The following CTNND2 variants were observed in gnomAD, a reference collection of about 807,000 sequenced individuals.
The protein encoded by CTNND2 is catenin delta-2.
A neutral mutation model predicts 144.4 loss-of-function variants in CTNND2; 22 were observed. The ratio of observed to expected loss-of-function variants is 0.15; its 90% confidence interval spans 0.11 to 0.22. The LOEUF (loss-of-function observed/expected upper bound fraction) is 0.22, where lower values mean the gene tolerates loss of function less well. Ranked by LOEUF, CTNND2 falls within the 10% of genes least tolerant of loss-of-function variation. CTNND2 has a pLI of 1.00. For synonymous variants in CTNND2, 751 were observed against 695.6 expected (o/e 1.08, Z -1.25); for missense variants, 1,353 against 1,618.8 (o/e 0.84, Z 2.82).
chr5:10,992,823 G>A (rs1034167661), intron 18 of CTNND2, 146 bp from the exon 19 acceptor site: 4 of 1,082,778 alleles, frequency 3.7e-6, no homozygotes, highest in Non-Finnish European at 5.3e-6. Flanking sequence ...CTCTCATGGA[G>A]GTGAACAGAG....
At chr5:11,858,562 A>C (rs746692731) in intron 1 of CTNND2, among the ~76,000 whole-genome samples, 1 of 152,238 alleles carries the variant, frequency 6.6e-6, no homozygotes, top group African/African-American at 2.4e-5. Flanking sequence ...TCATGGATGC[A>C]TATTCTTAGC....
chr5:11,478,938 C>T (rs1334761324), intron 3 of CTNND2, among the ~76,000 whole-genome samples: 1 of 152,140 alleles, frequency 6.6e-6, no homozygotes, highest in Non-Finnish European at 1.5e-5. Context: ...ACAATAGCAA[C>T]ATTTAGAAAC....
chr5:11,588,589 G>A (rs12153083), intron 2 of CTNND2: 61,354 of 202,862 alleles, frequency 0.3, 10,918 homozygotes, highest in Middle Eastern at 0.47. Context: ...ATAACTGTGA[G>A]GTCAGAAATA....
intron 1 of CTNND2, among the ~76,000 whole-genome samples, chr5:11,888,628 A>G (rs1736732221): frequency 1.3e-5 from 2 of 152,158 alleles, no homozygotes; most frequent in African/African-American, 2.4e-5. Context: ...TAATTAGAAT[A>G]GTTATTTTTA....
intron 2 of CTNND2, among the ~76,000 whole-genome samples, chr5:11,640,339 A>G (rs1466530343): frequency 6.6e-6 from 1 of 152,220 alleles, no homozygotes; most frequent in Non-Finnish European, 1.5e-5. Context: ...AGCTTATGCA[A>G]GGTTCACTGA....
At chr5:11,564,538 T>A (rs547657356) in intron 3 of CTNND2, among the ~76,000 whole-genome samples, 78 of 152,142 alleles carry the variant, frequency 5.1e-4, no homozygotes, top group Non-Finnish European at 9.0e-4. Context: ...CTTAGCATTA[T>A]GTATTAGCAA....
In CTNND2 at chr5:11,904,382, G is replaced by A. The variant is rs574582411; in HGVS notation, c.-529C>T. 5.9e-5 allele frequency among the ~76,000 whole-genome samples: 9 copies of A among 151,304 alleles called. No individual in the cohort carries two copies. The highest frequency in any genetic ancestry group is 2.2e-4 in the African/African-American group (9 of 41,390). ...CCTCAGCCTCCACCTAAACCTCGGC[G>A]GCCGGCCCGGGCGCCCGGCTAGTGA... is the stretch of plus-strand genomic sequence containing the variant. On this transcript the variant is annotated 5_prime_UTR_variant, in exon 1 of 22. Transcript: ENST00000304623. This position sits in a 1 kb window ranked among gnomAD's most constrained non-coding sequence, Gnocchi z 4.2.
At chr5:10,992,526 C>G in intron 19 of CTNND2, 25 bp downstream of exon 19, 1 of 1,613,318 alleles carries the variant, frequency 6.2e-7, no homozygotes, top group South Asian at 1.1e-5. Context: ...TAAAGCCTGG[C>G]TGGCTAGCCA....
At chr5:11,108,777 G>A (rs2149681613) in intron 14 of CTNND2, among the ~76,000 whole-genome samples, 1 of 152,266 alleles carries the variant, frequency 6.6e-6, no homozygotes, top group East Asian at 1.9e-4. Flanking sequence ...GGTCTGACCT[G>A]ACCAGCAGCT....
chr5:11,682,305 G>C (rs1434069267), intron 2 of CTNND2, among the ~76,000 whole-genome samples: 1 of 152,196 alleles, frequency 6.6e-6, no homozygotes, highest in East Asian at 1.9e-4. Flanking sequence ...CCAACAGATG[G>C]AAGCAAGATG....
chr5:10,985,113 C>A (rs201552774), intron 20 of CTNND2, among the ~76,000 whole-genome samples: 2 of 139,578 alleles, frequency 1.4e-5, no homozygotes, highest in Non-Finnish European at 3.2e-5. Flanking sequence ...TAAATAAATA[C>A]ATAAATAAAT....
chr5:11,548,388 A>C (rs1206858890), intron 3 of CTNND2, among the ~76,000 whole-genome samples: 1 of 152,210 alleles, frequency 6.6e-6, no homozygotes, highest in Non-Finnish European at 1.5e-5. Flanking sequence ...GAATATGCAA[A>C]TACTGCATAT....
intron 2 of CTNND2, among the ~76,000 whole-genome samples, chr5:11,639,445 A>C (rs1276723199): frequency 1.3e-5 from 2 of 152,208 alleles, no homozygotes; most frequent in East Asian, 3.9e-4. Flanking sequence ...TGATTATACA[A>C]CACTTAGGCA....
At chr5:11,206,262 G>A (rs974125345) in intron 10 of CTNND2, among the ~76,000 whole-genome samples, 1 of 152,172 alleles carries the variant, frequency 6.6e-6, no homozygotes, top group Non-Finnish European at 1.5e-5. Context: ...AGTTTTCTGA[G>A]AATGAAGCAG....
intron 1 of CTNND2, among the ~76,000 whole-genome samples, chr5:11,902,064 G>A (rs376598143): frequency 6.6e-6 from 1 of 152,158 alleles, no homozygotes; most frequent in South Asian, 2.1e-4. Context: ...AACTTGAGCC[G>A]TATAGACCTT....
At chr5:11,428,311 G>GT (rs1405193328) in intron 3 of CTNND2, among the ~76,000 whole-genome samples, 2 of 152,282 alleles carry the variant, frequency 1.3e-5, no homozygotes, top group African/African-American at 4.8e-5. Flanking sequence ...GCCTTCAGTG[G>GT]TTTTTTAATA....
At chr5:11,057,811 T>C (rs1164064381) in intron 16 of CTNND2, among the ~76,000 whole-genome samples, 1 of 152,088 alleles carries the variant, frequency 6.6e-6, no homozygotes, top group Non-Finnish European at 1.5e-5. Context: ...ATAATGACAG[T>C]GATATGGACA....
At chr5:11,103,262 A>G (rs936560757) in intron 14 of CTNND2, among the ~76,000 whole-genome samples, 16 of 152,024 alleles carry the variant, frequency 1.1e-4, no homozygotes, top group Admixed American at 2.0e-4. Context: ...GATTACAGGC[A>G]TGAGCCACCG....
At chr5:11,423,264 T>C (rs1468977119) in intron 3 of CTNND2, among the ~76,000 whole-genome samples, 2 of 152,248 alleles carry the variant, frequency 1.3e-5, no homozygotes, top group Non-Finnish European at 2.9e-5. Flanking sequence ...ATGATACTTC[T>C]GTTTTGGTGA....
Sources: gnomAD v4.1 joint callset for allele counts (sites outside exome capture counted in the v4.1 genomes callset) on GRCh38, gnomAD v4.1.1 for gene constraint, Gnocchi (gnomAD v3.1) non-coding constraint, MANE v1.5 for transcripts, NCBI Gene and HGNC (gene_info 2026-07-23, HGNC 2026-07-21) for gene names.